TNNT3: variants seen among roughly 807,000 people sequenced by gnomAD.
TNNT3 encodes the protein troponin T3, fast skeletal type, also known as troponin T, fast skeletal muscle.
A neutral mutation model predicts 54.2 loss-of-function variants in TNNT3; 36 were observed. The ratio of observed to expected loss-of-function variants is 0.66; its 90% CI spans 0.51 to 0.88. The LOEUF (loss-of-function observed/expected upper bound fraction) is 0.88. Ranked by LOEUF, TNNT3 falls within the 40% of genes least tolerant of loss-of-function variation. TNNT3 has a pLI of 0.00. For synonymous variants in TNNT3, 120 were observed against 109.7 expected (o/e 1.09, Z -0.59); for missense variants, 291 against 331.6 (o/e 0.88, Z 0.95).
intron 15 of TNNT3, 146 bp from the exon 16 acceptor site, chr11:1,938,292 A>G: frequency 1.1e-6 from 1 of 871,688 alleles, no homozygotes. Flanking sequence ...GCCCGGACTG[A>G]AGCTGGGTGT....
intron 8 of TNNT3, 101 bp from the exon 9 acceptor site, chr11:1,932,368 G>A: frequency 1.8e-6 from 2 of 1,114,098 alleles, no homozygotes; most frequent in East Asian, 2.4e-5. Flanking sequence ...CAGAGCAGGA[G>A]GGCACCAGGG....
At chr11:1,928,950 G>C (rs534181785) in intron 6 of TNNT3, 170 bp from the exon 7 acceptor site, 20 of 616,686 alleles carry the variant, frequency 3.2e-5, no homozygotes, top group East Asian at 1.1e-4. Flanking sequence ...TTGATTCACC[G>C]GCCCCAGCTT....
intron 8 of TNNT3, among the ~76,000 whole-genome samples, chr11:1,930,199 G>A (rs1852966283): frequency 6.6e-6 from 1 of 152,116 alleles, no homozygotes; most frequent in South Asian, 2.1e-4. Context: ...GAGGAGAGGT[G>A]GGTGGGAGAG....
Position 1,922,856 on chromosome 11 carries a change from G to T in TNNT3, c.-18-1G>T. 1 of 1,612,712 alleles carries T rather than the reference G, an allele frequency of 6.2e-7. No individual in the cohort carries two copies. The highest frequency in any genetic ancestry group is 8.5e-7 in the Non-Finnish European group (1 of 1,179,840). The stretch of plus-strand genomic sequence containing the variant: ...CTCTCTCTCTGAATCTCTCTCTGCA[G>T]AAACCACCCACCTTCACCATGTCTG... On this transcript the variant is annotated splice_acceptor_variant, in intron 1 of 15. Coordinates refer to ENST00000278317, the MANE Select transcript of TNNT3 (RefSeq NM_006757.4). LOFTEE classifies it low-confidence loss of function (5UTR_SPLICE).
At chr11:1,920,497 G>A (rs901420721) in intron 1 of TNNT3, among the ~76,000 whole-genome samples, 1 of 98,032 alleles carries the variant, frequency 1.0e-5, no homozygotes, top group Admixed American at 1.5e-4. Context: ...CCCTGGACAC[G>A]GTCCCCCTGA....
In TNNT3 at chr11:1,929,805, A is replaced by G. The variant is rs1211719193; in HGVS notation, c.107-5A>G. 1 of 1,551,424 alleles carries G rather than the reference A, an allele frequency of 6.4e-7. No homozygotes were observed. Among genetic ancestry groups the G allele is most frequent in the South Asian group, 1.2e-5 (1 of 84,010 alleles). On this transcript the variant is annotated splice_polypyrimidine_tract_variant and splice_region_variant and intron_variant, in intron 7 of 15. Transcript: ENST00000278317. ...CTCTCCCTACGCTGGTGCTGTGTGG[A>G]CCAGAGGAGAAACCGAGACCCAAGT...
intron 5 of TNNT3, 167 bp downstream of exon 5, chr11:1,925,283 G>A: frequency 1.9e-6 from 3 of 1,598,520 alleles, no homozygotes; most frequent in Non-Finnish European, 2.6e-6. Flanking sequence ...GAAGGTATGA[G>A]GACACAGGAC....
intron 14 of TNNT3, among the ~76,000 whole-genome samples, 162 bp from the exon 15 acceptor site, chr11:1,936,801 C>T (rs1216983842): frequency 6.6e-6 from 1 of 152,228 alleles, no homozygotes; most frequent in Non-Finnish European, 1.5e-5. Context: ...TCCCCCTGCA[C>T]AAGGAGCCAG....
Position 1,923,406 on chromosome 11 carries a change from A to T in TNNT3, c.32-149A>T, listed in dbSNP as rs2734500. The T allele has an allele frequency of 0.81, 713,558 of 880,404 alleles. 291,443 individuals carry two copies. The highest frequency in any genetic ancestry group is 0.93 in the East Asian group (38,016 of 40,918). 54.5% of individuals were successfully genotyped at this position (880,404 alleles called of 1,614,324 possible). ...CCTCTGCCTTCCCCAGCGCCTCCTCAGGGCCCGAGGACCCCTGATTCCACG... is the reference window on the plus strand; with the variant it reads ...CCTCTGCCTTCCCCAGCGCCTCCTCTGGGCCCGAGGACCCCTGATTCCACG... On this transcript the variant is annotated intron_variant, in intron 3 of 15. Transcript: ENST00000278317.
At chr11:1,928,951 G>T (rs748182328) in intron 6 of TNNT3, 169 bp from the exon 7 acceptor site, 26 of 783,102 alleles carry the variant, frequency 3.3e-5, no homozygotes, top group Non-Finnish European at 5.3e-5. Context: ...TGATTCACCG[G>T]CCCCAGCTTG....
chr11:1,924,858 G>A, intron 4 of TNNT3: 1 of 623,792 alleles, frequency 1.6e-6, no homozygotes, highest in Non-Finnish European at 2.9e-6. Flanking sequence ...CCCCTCTCAG[G>A]GGCCGGGCCC....
chr11:1,919,623 C>T (rs1249556382), upstream of TNNT3: 1 of 152,340 alleles, frequency 6.6e-6, no homozygotes, highest in Admixed American at 6.5e-5. Flanking sequence ...TCCGCACACA[C>T]CCCGGCCACC....
At chr11:1,927,456 AG>A (rs1851936494) in intron 6 of TNNT3, among the ~76,000 whole-genome samples, 2 of 152,170 alleles carry the variant, frequency 1.3e-5, no homozygotes, top group South Asian at 4.1e-4. Context: ...CGTGGGGCTG[AG>A]GGGCTCCTCC....
At position 1,933,911 on chromosome 11, in the gene TNNT3, A is replaced by C; in HGVS notation, c.289-20A>C. On this transcript the variant is annotated intron_variant, in intron 10 of 15. Coordinates refer to ENST00000278317, the MANE Select transcript of TNNT3 (RefSeq NM_006757.4). ...AGGAGCCGGGGACAGGGCTGAGCAGACCCCCTTCTCTGGCTGCAGGAGAAG... is the reference window on the plus strand; with the variant it reads ...AGGAGCCGGGGACAGGGCTGAGCAGCCCCCCTTCTCTGGCTGCAGGAGAAG... The C allele has an allele frequency of 6.2e-7, 1 of 1,612,602 alleles. No homozygotes were observed. The highest frequency in any genetic ancestry group is 8.5e-7 in the Non-Finnish European group (1 of 1,179,908).
In TNNT3 at chr11:1,922,901, C is replaced by CAGCT; in HGVS notation, c.17+11_17+14dup. On this transcript the variant is annotated intron_variant, in intron 2 of 15. Transcript: ENST00000278317. ...TGTCTGACGAGGAAGTGTGAGTACC[C>CAGCT]AGCTGGTGGCTGCCCCCTGCCTGGC... The CAGCT allele has an allele frequency of 6.2e-7, 1 of 1,613,800 alleles. No homozygotes were observed. The highest frequency in any genetic ancestry group is 1.7e-5 in the Admixed American group (1 of 60,024).
chr11:1,919,599 C>A (rs574250591), upstream of TNNT3: 1 of 152,334 alleles, frequency 6.6e-6, no homozygotes, highest in Non-Finnish European at 1.5e-5. Context: ...GGGCATAGCC[C>A]CCCCCAGCAA....
intron 4 of TNNT3, 65 bp from the exon 5 acceptor site, chr11:1,925,034 A>G (rs1370053413): frequency 1.3e-6 from 2 of 1,587,880 alleles, no homozygotes; most frequent in Non-Finnish European, 1.7e-6. Context: ...CACTCTGATC[A>G]CTGTCTCTGT....
At chr11:1,929,252 C>A in intron 7 of TNNT3, 109 bp downstream of exon 7, 1 of 1,351,050 alleles carries the variant, frequency 7.4e-7, no homozygotes, top group South Asian at 1.2e-5. Flanking sequence ...CTCCCTCTGT[C>A]CTCTTTCTCT....
Position 1,938,572 on chromosome 11 carries a change from C to A in TNNT3, c.*80C>A. 1.4e-6 allele frequency: 2 copies of A among 1,430,292 alleles called. No homozygotes were observed. The highest frequency in any genetic ancestry group is 1.2e-5 in the South Asian group (1 of 84,828). The allele number at this position is 1,430,292 out of a possible 1,614,324, so 88.6% of individuals were successfully genotyped here. A position where few individuals can be genotyped will look rare whatever the true frequency, so the allele number is the denominator to read the frequency against. ...GCCGCTCGTGGGACTCCACATCCTC[C>A]AGCCCCCACAATCCTGTCAGGGGCT... On this transcript the variant is annotated 3_prime_UTR_variant, in exon 16 of 16. Transcript: ENST00000278317.
Sources: allele counts gnomAD v4.1 joint callset (sites outside exome capture counted in the v4.1 genomes callset), GRCh38; gene constraint gnomAD v4.1.1; transcripts MANE v1.5; gene names NCBI Gene and HGNC (gene_info 2026-07-23, HGNC 2026-07-21).